Variants in COL11A2 observed in about 807,000 individuals in gnomAD.
The protein encoded by COL11A2 is collagen alpha-2(XI) chain.
Under a neutral mutation model 273.4 loss-of-function variants are expected in COL11A2, and 116 were observed. That is an observed-to-expected ratio of 0.42 (90% CI 0.36 to 0.49). The LOEUF (loss-of-function observed/expected upper bound fraction) is 0.49, where lower values mean the gene tolerates loss of function less well. COL11A2 is among the 20% of genes least tolerant of loss of function. COL11A2 has a pLI of 0.00. For synonymous variants in COL11A2, 782 were observed against 864.2 expected (o/e 0.90, Z 1.67); for missense variants, 1,866 against 2,309.0 (o/e 0.81, Z 3.93).
rs1178898454 is a variant in COL11A2, at chr6:33,189,824, ACTCT to A, written c.83-359_83-356del. On this transcript the variant is annotated intron_variant, in intron 1 of 65. Coordinates refer to ENST00000341947, the MANE Select transcript of COL11A2 (RefSeq NM_080680.3). The surrounding 1 kb of genome is among the most constrained non-coding windows in gnomAD (Gnocchi z 5.6). The stretch of plus-strand genomic sequence containing the variant: ...TGTCTCCTGTCTCTCTCACTCTCTT[ACTCT>A]CTCTGTCTCTTTATGTTGGTCTTTC... Among the ~76,000 whole-genome samples, 1 of 148,828 alleles carries A rather than the reference ACTCT, an allele frequency of 6.7e-6. No homozygotes were observed.
In COL11A2 at chr6:33,190,211, G is replaced by T. The variant is rs558231622; in HGVS notation, c.83-742C>A. Among the ~76,000 whole-genome samples the T allele has an allele frequency of 1.3e-5, 2 of 152,182 alleles. No individual in the cohort carries two copies. Among genetic ancestry groups the T allele is most frequent in the South Asian group, 2.1e-4 (1 of 4,812 alleles). On this transcript the variant is annotated intron_variant, in intron 1 of 65. Transcript: ENST00000341947. This position sits in a 1 kb window ranked among gnomAD's most constrained non-coding sequence, Gnocchi z 4.5. Reference sequence around the variant, plus strand: ...ATGAGTTGGGGAGGGGTGGAGGAATGGGGGGCAGGGGCTGAAGCTGCCACG... The same window carrying T: ...ATGAGTTGGGGAGGGGTGGAGGAATTGGGGGCAGGGGCTGAAGCTGCCACG...
At position 33,169,412 on chromosome 6, in the gene COL11A2, T is replaced by C; in HGVS notation, c.3769A>G (p.Thr1257Ala). 1 of 1,612,972 alleles carries C rather than the reference T, an allele frequency of 6.2e-7. No homozygotes were observed. The highest frequency in any genetic ancestry group is 8.5e-7 in the Non-Finnish European group (1 of 1,180,014). ...EPGPPGPKGP[T>A]GDDGPKGNPG... is the part of the protein sequence containing the mutation. ...TTCCCTTTGGGGCCATCATCGCCTG[T>C]GGGGCCTTTAGGCCCTGGTGGCCCT... Residue 1257 changes from threonine to alanine, a missense_variant, in exon 51 of 66, where the codon ACA becomes GCA. Coordinates refer to ENST00000341947, the MANE Select transcript of COL11A2 (RefSeq NM_080680.3). This position sits in a 1 kb window ranked among gnomAD's most constrained non-coding sequence, Gnocchi z 5.5.
chr6:33,188,793 A>C (rs1000116715), intron 3 of COL11A2, among the ~76,000 whole-genome samples, 185 bp downstream of exon 3: 1 of 152,232 alleles, frequency 6.6e-6, no homozygotes, highest in African/African-American at 2.4e-5. Flanking sequence ...CTAGTTCAAC[A>C]TGCAGAGAAG....
intron 3 of COL11A2, among the ~76,000 whole-genome samples, chr6:33,188,766 C>A (rs1041976941): frequency 1.3e-5 from 2 of 152,186 alleles, no homozygotes; most frequent in Admixed American, 6.5e-5. Flanking sequence ...TTTTAAGTAA[C>A]TTGCCCAAGG....
chr6:33,173,811 G>T lies in COL11A2; in HGVS notation c.2583+62C>A, dbSNP rs199531398. 35 of 1,610,732 alleles carry T rather than the reference G, an allele frequency of 2.2e-5. No homozygotes were observed. The highest frequency in any genetic ancestry group is 2.5e-5 in the Non-Finnish European group (30 of 1,177,242). ...TTCCAGCTGTCCCCGAGGTCAGGAT[G>T]TTGAGGGAGAGCTGGGGCTGAGTGG... On this transcript the variant is annotated intron_variant, in intron 34 of 65. Transcript: ENST00000341947. This position sits in a 1 kb window ranked among gnomAD's most constrained non-coding sequence, Gnocchi z 6.3.
chr6:33,172,950 C>T, intron 38 of COL11A2, 110 bp downstream of exon 38: 1 of 1,212,056 alleles, frequency 8.3e-7, no homozygotes, highest in Admixed American at 1.9e-5. Flanking sequence ...GACCCCAGCC[C>T]CAGGAGTCTG....
Position 33,172,631 on chromosome 6 carries a change from C to G in COL11A2, c.2797G>C (p.Ala933Pro). 1 of 1,612,168 alleles carries G rather than the reference C, an allele frequency of 6.2e-7. No individual in the cohort carries two copies. The highest frequency in any genetic ancestry group is 1.7e-5 in the Admixed American group (1 of 60,016). Residue 933 changes from alanine to proline, a missense_variant, in exon 39 of 66, where the codon GCA (alanine) becomes CCA (proline). Transcript: ENST00000341947. The stretch of plus-strand genomic sequence containing the variant: ...TCCCCCATAGGGCCGGTTTCTCCTG[C>G]TGCTCCCTAGACAAAAGCAGAGAGA... ...PPGVVGPQGA[A>P]GETGPMGERG...
rs921507852 is a variant in COL11A2 at position 33,176,377 on chromosome 6, C to T, written c.2169+56G>A. 27 of 1,603,796 alleles carry T rather than the reference C, an allele frequency of 1.7e-5. No individual in the cohort carries two copies. Among genetic ancestry groups the T allele is most frequent in the African/African-American group, 5.3e-5 (4 of 74,770 alleles). ...GGTTGGAAGGACCAAGCTCCTAAGACCCCATATAGCTCCCCTGACCACAGC... is the reference window on the plus strand; with the variant it reads ...GGTTGGAAGGACCAAGCTCCTAAGATCCCATATAGCTCCCCTGACCACAGC... On this transcript the variant is annotated intron_variant, in intron 27 of 65. Coordinates refer to ENST00000341947, the MANE Select transcript of COL11A2 (RefSeq NM_080680.3). The surrounding 1 kb of genome is among the most constrained non-coding windows in gnomAD (Gnocchi z 4.9).
In COL11A2 at chr6:33,184,250, G is replaced by T; in HGVS notation, c.1014C>A (p.Asp338Glu). 4 of 1,367,696 alleles carry T rather than the reference G, an allele frequency of 2.9e-6. No individual in the cohort carries two copies. The highest frequency in any genetic ancestry group is 3.9e-6 in the Non-Finnish European group (4 of 1,021,992). The allele number at this position is 1,367,696 out of a possible 1,614,324, so 84.7% of individuals were successfully genotyped here. A position where few individuals can be genotyped will look rare whatever the true frequency, so the allele number is the denominator to read the frequency against. ...TGTAATCGTAGGGCCCTTCAGGGGG[G>T]TCTGTGCCACCCTCCCCATATTCCT... Reference protein sequence around the residue: ...QAEEYGEGGTDPPEGPYDYTY... With the variant: ...QAEEYGEGGTEPPEGPYDYTY... The change falls in exon 8 of 66, where the codon GAC (aspartate) becomes GAA (glutamate). Residue 338 changes from aspartate (D) to glutamate (E), a missense_variant. By Grantham distance (45) the Asp-to-Glu change is conservative. Transcript: ENST00000341947.
rs1770985635 is a variant in COL11A2, at chr6:33,176,942, T to C, written c.2070+50A>G. 1 of 1,590,590 alleles carries C rather than the reference T, an allele frequency of 6.3e-7. No individual in the cohort carries two copies. Among genetic ancestry groups the C allele is most frequent in the East Asian group, 2.3e-5 (1 of 44,204 alleles). ...CTAAAGGAGCTCTGAGGTCATGCAC[T>C]GGGGTGGAAGGCCAAGGGGAACTGG... is the stretch of plus-strand genomic sequence containing the variant. On this transcript the variant is annotated intron_variant, in intron 25 of 65. Coordinates refer to ENST00000341947, the MANE Select transcript of COL11A2 (RefSeq NM_080680.3). The surrounding 1 kb of genome is among the most constrained non-coding windows in gnomAD (Gnocchi z 4.9).
Position 33,165,896 on chromosome 6 carries a change from T to TA in COL11A2, c.4482+34dup, listed in dbSNP as rs1769058101. The TA allele has an allele frequency of 6.2e-7, 1 of 1,613,296 alleles. No homozygotes were observed. The highest frequency in any genetic ancestry group is 1.3e-5 in the African/African-American group (1 of 74,766). On this transcript the variant is annotated intron_variant, in intron 62 of 65. Transcript: ENST00000341947. The surrounding 1 kb of genome is among the most constrained non-coding windows in gnomAD (Gnocchi z 7.7). ...GTGTGGCAGCAGTGGAGCAGAGGGG[T>TA]ACGGCCCTGGGAGCAGCCCTGACTC... is the stretch of plus-strand genomic sequence containing the variant.
rs1032750444 is a variant in COL11A2, at chr6:33,189,842, T to C, written c.83-373A>G. On this transcript the variant is annotated intron_variant, in intron 1 of 65. Transcript: ENST00000341947. The surrounding 1 kb of genome is among the most constrained non-coding windows in gnomAD (Gnocchi z 5.6). ...CTCTCTTACTCTCTCTGTCTCTTTA[T>C]GTTGGTCTTTCTGTCTCTGTCTCTT... Among the ~76,000 whole-genome samples the C allele has an allele frequency of 4.6e-5, 7 of 152,192 alleles. No homozygotes were observed. Among genetic ancestry groups the C allele is most frequent in the African/African-American group, 1.7e-4 (7 of 41,442 alleles).
chr6:33,174,184 C>T lies in COL11A2; in HGVS notation c.2465G>A (p.Ser822Asn). 1.3e-6 allele frequency: 2 copies of T among 1,582,838 alleles called. No individual in the cohort carries two copies. The highest frequency in any genetic ancestry group is 1.7e-6 in the Non-Finnish European group (2 of 1,164,048). The stretch of plus-strand genomic sequence containing the variant: ...GCTTACCCGGGCTCCCTTCTCTCCA[C>T]TGGCACCAGGAAAGCCAGGAAATCC... The part of the protein sequence containing the change: ...SLGFPGFPGA[S>N]GEKGARGLSG... The change falls in exon 32 of 66, where the codon AGT becomes AAT. Residue 822 changes from serine (S) to asparagine (N), a missense_variant. Coordinates refer to ENST00000341947, the MANE Select transcript of COL11A2 (RefSeq NM_080680.3).
chr6:33,167,370 C>T lies in COL11A2; in HGVS notation c.4123-53G>A. ...CAGGAGGAGCATCCCCACACTGCAC[C>T]CCTCCCATGGCCCCTCACTCCCACC... On this transcript the variant is annotated intron_variant, in intron 56 of 65. Transcript: ENST00000341947. This position sits in a 1 kb window ranked among gnomAD's most constrained non-coding sequence, Gnocchi z 6.1. The T allele has an allele frequency of 6.2e-7, 1 of 1,612,496 alleles. No homozygotes were observed. Among genetic ancestry groups the T allele is most frequent in the Non-Finnish European group, 8.5e-7 (1 of 1,179,622 alleles).
rs201179101 is a variant in COL11A2 at position 33,180,977 on chromosome 6, G to A, written c.1208C>T (p.Pro403Leu). Reference protein sequence around the residue: ...PGMLVEGPPGPEGPAGLIGPP... With the variant: ...PGMLVEGPPGLEGPAGLIGPP... ...TGCTAGACTTACCGCAGGGCCTTCT[G>A]GGCCAGGGGGCCCCTCCACGAGCAT... The change falls in exon 10 of 66, where the codon CCA becomes CTA. Residue 403 changes from proline (P) to leucine (L), a missense_variant. Physicochemically the swap from Pro to Leu is moderately conservative, Grantham distance 98. Transcript: ENST00000341947. 6.3e-5 allele frequency: 101 copies of A among 1,613,842 alleles called. No individual in the cohort carries two copies. In the East Asian group the frequency reaches 2.0e-3, roughly 32 times the overall value.
At chr6:33,172,741 A>T in intron 38 of COL11A2, 104 bp from the exon 39 acceptor site, 1 of 1,001,176 alleles carries the variant, frequency 1.0e-6, no homozygotes, top group Non-Finnish European at 1.5e-6. Flanking sequence ...GAACCCCTTT[A>T]TCCCTGCCCC....
Position 33,163,828 on chromosome 6 carries a change from G to T in COL11A2, c.5071-10C>A. ...TCCGGCCTTGCTGTGTCTTCAGGGG[G>T]AGACAAGGAAGAAAGTGTGAGCAGG... is the stretch of plus-strand genomic sequence containing the variant. On this transcript the variant is annotated splice_polypyrimidine_tract_variant and intron_variant, in intron 65 of 65. Transcript: ENST00000341947. This position sits in a 1 kb window ranked among gnomAD's most constrained non-coding sequence, Gnocchi z 4.1. The T allele has an allele frequency of 6.2e-7, 1 of 1,612,922 alleles. No homozygotes were observed. The highest frequency in any genetic ancestry group is 8.5e-7 in the Non-Finnish European group (1 of 1,179,926).
At position 33,189,984 on chromosome 6, in the gene COL11A2, C is replaced by T. The variant is rs1213444141; in HGVS notation, c.83-515G>A. On this transcript the variant is annotated intron_variant, in intron 1 of 65. Transcript: ENST00000341947. This position sits in a 1 kb window ranked among gnomAD's most constrained non-coding sequence, Gnocchi z 5.6. ...GCATCTGTCCCGTCTCCAGCACAAA[C>T]AACATCTGGGCAATCGATCATCCTG... 1.3e-5 allele frequency among the ~76,000 whole-genome samples: 2 copies of T among 152,134 alleles called. No homozygotes were observed. Among genetic ancestry groups the T allele is most frequent in the Non-Finnish European group, 2.9e-5 (2 of 68,040 alleles).
rs549704545 is a variant in COL11A2 at position 33,180,330 on chromosome 6, G to A, written c.1287C>T (p.Gly429=). The A allele has an allele frequency of 9.1e-5, 147 of 1,611,186 alleles. No homozygotes were observed. The highest frequency in any genetic ancestry group is 8.4e-5 in the Admixed American group (5 of 59,842). Residue 429 remains glycine, a splice_region_variant and synonymous_variant, in exon 12 of 66, where the codon GGC becomes GGT. Transcript: ENST00000341947. The stretch of plus-strand genomic sequence containing the variant: ...CAGGGAGCCCTGCTCGGCCAGGGGG[G>A]CCCTGGAGTGGGAAGAGAATGCAAA... ...PGPVGDPGER[G]PPGRAGLPGS...
Sources: gnomAD v4.1 joint callset for allele counts (sites outside exome capture counted in the v4.1 genomes callset) on GRCh38, gnomAD v4.1.1 for gene constraint, Gnocchi (gnomAD v3.1) non-coding constraint, MANE v1.5 for transcripts, NCBI Gene and HGNC (gene_info 2026-07-23, HGNC 2026-07-21) for gene names.